NEGR1: variants seen among roughly 807,000 people sequenced by gnomAD.
NEGR1 encodes neuronal growth regulator 1.
A neutral mutation model predicts 40.9 loss-of-function variants in NEGR1; 10 were observed. That is an observed-to-expected ratio of 0.24 (90% CI 0.15 to 0.42). The LOEUF (loss-of-function observed/expected upper bound fraction) is 0.42, where lower values mean the gene tolerates loss of function less well. NEGR1 is among the 10% of genes least tolerant of loss of function. The probability of loss-of-function intolerance (pLI) is 1.00; values close to 1 mark genes in which losing one functional copy is unlikely to be tolerated. For synonymous variants in NEGR1, 185 were observed against 166.8 expected (o/e 1.11, Z -0.84); for missense variants, 352 against 438.9 (o/e 0.80, Z 1.77).
chr1:72,236,630 T>C (rs1194270), intron 1 of NEGR1, among the ~76,000 whole-genome samples: 67,127 of 151,666 alleles, frequency 0.44, 15,252 homozygotes, highest in Non-Finnish European at 0.48. Flanking sequence ...TATTTCTTAT[T>C]GTAAAGGTAC....
intron 4 of NEGR1, among the ~76,000 whole-genome samples, chr1:71,683,638 AT>A (rs1055769524): frequency 2.6e-5 from 4 of 151,620 alleles, no homozygotes; most frequent in East Asian, 1.9e-4. Flanking sequence ...GCATTCTTTC[AT>A]TTTTTCATAA....
At chr1:72,109,059 C>A (rs1325815229) in intron 1 of NEGR1, among the ~76,000 whole-genome samples, 1 of 151,428 alleles carries the variant, frequency 6.6e-6, no homozygotes, top group Non-Finnish European at 1.5e-5. Flanking sequence ...AATTCTATTA[C>A]CTTAATCTCA....
chr1:71,582,456 A>T (rs935727492), intron 6 of NEGR1, among the ~76,000 whole-genome samples: 6 of 152,164 alleles, frequency 3.9e-5, no homozygotes, highest in Non-Finnish European at 7.3e-5. Flanking sequence ...GAACTATAAA[A>T]TGGAGTGTGT....
At chr1:72,272,682 A>C (rs921219038) in intron 1 of NEGR1, among the ~76,000 whole-genome samples, 2 of 151,980 alleles carry the variant, frequency 1.3e-5, no homozygotes, top group Non-Finnish European at 2.9e-5. Flanking sequence ...AAACCTTTAC[A>C]TATTTTATGG....
intron 2 of NEGR1, among the ~76,000 whole-genome samples, chr1:71,778,549 T>C (rs920079552): frequency 6.6e-6 from 1 of 152,156 alleles, no homozygotes; most frequent in Non-Finnish European, 1.5e-5. Flanking sequence ...ATGAGGAGCA[T>C]CTGTATTCAT....
At chr1:71,524,704 G>A (rs1449428393) in intron 6 of NEGR1, among the ~76,000 whole-genome samples, 1 of 151,662 alleles carries the variant, frequency 6.6e-6, no homozygotes, top group Non-Finnish European at 1.5e-5. Context: ...GGGAATTAAG[G>A]TAGCAGATTG....
intron 6 of NEGR1, among the ~76,000 whole-genome samples, chr1:71,498,424 G>T (rs1646978956): frequency 6.6e-6 from 1 of 151,712 alleles, no homozygotes; most frequent in African/African-American, 2.4e-5. Flanking sequence ...TTTTCTTCTG[G>T]ATATAAAGAA....
intron 1 of NEGR1, among the ~76,000 whole-genome samples, chr1:72,254,899 C>A (rs1041861848): frequency 2.0e-5 from 3 of 151,746 alleles, no homozygotes; most frequent in Non-Finnish European, 2.9e-5. Flanking sequence ...TACAGCTGTT[C>A]TTATTTCTTT....
chr1:72,260,066 C>A (rs1025602672), intron 1 of NEGR1, among the ~76,000 whole-genome samples: 1 of 152,028 alleles, frequency 6.6e-6, no homozygotes, highest in Non-Finnish European at 1.5e-5. Context: ...GTGCTTTATA[C>A]AAATTTCCTT....
At chr1:72,189,424 G>C (rs1652734696) in intron 1 of NEGR1, among the ~76,000 whole-genome samples, 1 of 151,532 alleles carries the variant, frequency 6.6e-6, no homozygotes, top group Admixed American at 6.6e-5. Flanking sequence ...GCTCAGCTGA[G>C]TAGATGTCAA....
At chr1:71,744,173 A>G (rs1014964194) in intron 3 of NEGR1, among the ~76,000 whole-genome samples, 1 of 151,812 alleles carries the variant, frequency 6.6e-6, no homozygotes, top group South Asian at 2.1e-4. Context: ...GAAGTTTAGG[A>G]GAATGAACTT....
chr1:71,486,980 C>G (rs1336080758), intron 6 of NEGR1: 1 of 151,530 alleles, frequency 6.6e-6, no homozygotes, highest in Non-Finnish European at 1.5e-5. Flanking sequence ...TTGTCTGAAA[C>G]AGCAGGCCGA....
chr1:71,788,242 C>A (rs978568423), intron 2 of NEGR1, among the ~76,000 whole-genome samples: 1 of 152,032 alleles, frequency 6.6e-6, no homozygotes, highest in Non-Finnish European at 1.5e-5. Context: ...GTTACATGTG[C>A]CAGTTCTCTC....
intron 2 of NEGR1, among the ~76,000 whole-genome samples, chr1:71,898,291 C>T (rs1467057472): frequency 2.6e-5 from 4 of 152,050 alleles, no homozygotes; most frequent in South Asian, 2.1e-4. Context: ...CTAAGAAACG[C>T]TCATCCCATA....
intron 1 of NEGR1, among the ~76,000 whole-genome samples, chr1:72,140,565 C>T (rs143730672): frequency 6.6e-5 from 10 of 152,098 alleles, no homozygotes; most frequent in African/African-American, 1.2e-4. Flanking sequence ...CACTTCTTAA[C>T]GCTGTCACAG....
intron 1 of NEGR1, among the ~76,000 whole-genome samples, chr1:72,110,992 A>G (rs1235738403): frequency 1.3e-5 from 2 of 151,588 alleles, no homozygotes; most frequent in Non-Finnish European, 3.0e-5. Flanking sequence ...TTCATGCATT[A>G]CTTGGTTTCC....
chr1:72,010,353 A>G (rs1461865729), intron 1 of NEGR1, among the ~76,000 whole-genome samples: 1 of 152,158 alleles, frequency 6.6e-6, no homozygotes, highest in East Asian at 1.9e-4. Flanking sequence ...TGCTGGATAA[A>G]AACAGAAAGG....
intron 1 of NEGR1, among the ~76,000 whole-genome samples, chr1:72,141,443 C>A (rs954285364): frequency 2.0e-5 from 3 of 151,946 alleles, no homozygotes; most frequent in Non-Finnish European, 4.4e-5. Flanking sequence ...AAACATCCAA[C>A]CTTATAGTGT....
chr1:72,203,835 G>GA (rs1183810419), intron 1 of NEGR1, among the ~76,000 whole-genome samples: 2 of 152,044 alleles, frequency 1.3e-5, no homozygotes, highest in Non-Finnish European at 2.9e-5. Context: ...CCCTCCAACA[G>GA]AAAAACGATT....
Sources: gnomAD v4.1 joint callset for allele counts (sites outside exome capture counted in the v4.1 genomes callset) on GRCh38, gnomAD v4.1.1 for gene constraint, MANE v1.5 for transcripts, NCBI Gene and HGNC (gene_info 2026-07-23, HGNC 2026-07-21) for gene names.